BICRA: variants seen among roughly 807,000 people sequenced by gnomAD.
BICRA encodes BRD4-interacting chromatin-remodeling complex-associated protein.
BICRA carries 31 observed loss-of-function variants against 96.9 expected under a neutral mutation model. The ratio of observed to expected loss-of-function variants is 0.32; its 90% confidence interval spans 0.24 to 0.43. The LOEUF (loss-of-function observed/expected upper bound fraction) is 0.43. Among genes scored for constraint, BICRA ranks in the 20% least tolerant of loss-of-function variants. The pLI, the probability that BICRA is intolerant of heterozygous loss-of-function variation, is 1.00. For synonymous variants in BICRA, 1,350 were observed against 1,071.8 expected, an observed-to-expected ratio of 1.26 and a Z score of -5.07; for missense variants, 2,283 against 2,190.3, an observed-to-expected ratio of 1.04 and a Z score of -0.84.
chr19:47,685,784 TGTGCGCGCGCGC>T (rs1318781782), intron 7 of BICRA, among the ~76,000 whole-genome samples: 27 of 115,486 alleles, frequency 2.3e-4, no homozygotes, highest in Non-Finnish European at 5.1e-5. Flanking sequence ...TGTGTGTGTG[TGTGCGCGCGCGC>T]GCGCATGCGT....
intron 1 of BICRA, among the ~76,000 whole-genome samples, chr19:47,633,941 TC>T (rs1235519003): frequency 1.3e-5 from 2 of 152,300 alleles, no homozygotes; most frequent in South Asian, 2.1e-4. Flanking sequence ...GTTCACCCTG[TC>T]CCCCTCCAAA....
intron 7 of BICRA, among the ~76,000 whole-genome samples, chr19:47,685,496 G>A (rs1973130783): frequency 1.3e-5 from 2 of 152,144 alleles, no homozygotes; most frequent in South Asian, 2.1e-4. Flanking sequence ...CTGAATAGAC[G>A]GACGGATGGA....
rs1972927709 is a variant in BICRA, at chr19:47,675,564, G to C, written c.85-287G>C. 6.6e-6 allele frequency among the ~76,000 whole-genome samples: 1 copy of C among 152,180 alleles called. No homozygotes were observed. Among genetic ancestry groups the C allele is most frequent in the Non-Finnish European group, 1.5e-5 (1 of 68,022 alleles). On this transcript the variant is annotated intron_variant, in intron 4 of 14. Coordinates refer to ENST00000594866, the MANE Select transcript of BICRA (RefSeq NM_001394372.1). This position sits in a 1 kb window ranked among gnomAD's most constrained non-coding sequence, Gnocchi z 4.7. ...GGGGGGCAGTGGCAGGGCGCAGCTT[G>C]GGCAGAGGCGTGAAGGCAGGATTCC...
chr19:47,651,846 G>A (rs1247788317), intron 1 of BICRA, among the ~76,000 whole-genome samples: 2 of 152,188 alleles, frequency 1.3e-5, no homozygotes, highest in Admixed American at 1.3e-4. Flanking sequence ...GAGGAATGGT[G>A]GCATCTTTGA....
chr19:47,613,333 G>A (rs1971937402), intron 1 of BICRA, among the ~76,000 whole-genome samples: 1 of 152,184 alleles, frequency 6.6e-6, no homozygotes. Flanking sequence ...CAGGTCTCAA[G>A]AATGCAGAAG....
chr19:47,694,310 G>GC lies in BICRA; in HGVS notation c.2486dup (p.Thr830AsnfsTer41). 1.5e-5 allele frequency: 13 copies of GC among 879,244 alleles called. No homozygotes were observed. Among genetic ancestry groups the GC allele is most frequent in the Admixed American group, 6.2e-5 (2 of 32,236 alleles). The allele number at this position is 879,244 out of a possible 1,614,324, so 54.5% of individuals were successfully genotyped here. A position where few individuals can be genotyped will look rare whatever the true frequency, so the allele number is the denominator to read the frequency against. The stretch of plus-strand genomic sequence containing the variant: ...CTTGCACCCTTGCCCCCCACCCCAG[G>GC]CCCCCCCAACTCTGCCTGGCATCTT... On this transcript the variant is annotated frameshift_variant, in exon 8 of 15. Coordinates refer to ENST00000594866, the MANE Select transcript of BICRA (RefSeq NM_001394372.1). LOFTEE classifies it high-confidence loss of function.
intron 1 of BICRA, among the ~76,000 whole-genome samples, chr19:47,630,343 GT>G (rs924265846): frequency 7.6e-5 from 11 of 144,540 alleles, no homozygotes; most frequent in Admixed American, 2.1e-4. Context: ...TTTGCTTTTT[GT>G]TTTTTTTTTA....
Position 47,661,037 on chromosome 19 carries a change from G to A in BICRA, c.-107-9406G>A, listed in dbSNP as rs527522730. On this transcript the variant is annotated intron_variant, in intron 1 of 14. Coordinates refer to ENST00000594866, the MANE Select transcript of BICRA (RefSeq NM_001394372.1). ...ATCCTGGCTAACACAGTGAAACCCCGTCTCTACTAAAAATACAAAAACAAA... is the reference window on the plus strand; with the variant it reads ...ATCCTGGCTAACACAGTGAAACCCCATCTCTACTAAAAATACAAAAACAAA... Among the ~76,000 whole-genome samples, 84 of 151,980 alleles carry A rather than the reference G, an allele frequency of 5.5e-4. 1 individual carries two copies. The highest frequency in any genetic ancestry group is 1.9e-3 in the African/African-American group (77 of 41,440).
intron 5 of BICRA, among the ~76,000 whole-genome samples, chr19:47,677,863 C>T (rs892873690): frequency 5.9e-5 from 9 of 152,222 alleles, no homozygotes; most frequent in African/African-American, 1.9e-4. Flanking sequence ...TTCTCCAATT[C>T]TGGAAAAGTG....
intron 1 of BICRA, among the ~76,000 whole-genome samples, chr19:47,640,050 C>G (rs1204800633): frequency 6.6e-6 from 1 of 152,226 alleles, no homozygotes; most frequent in Non-Finnish European, 1.5e-5. Context: ...TGGGCCAGTC[C>G]TGCTTTGCCG....
rs376735528 is a variant in BICRA, at chr19:47,702,156, G to T, written c.4424G>T (p.Arg1475Leu). 20 of 1,561,058 alleles carry T rather than the reference G, an allele frequency of 1.3e-5. 1 individual carries two copies. In the East Asian group the frequency reaches 3.9e-4, roughly 30 times the overall value. ...EAPGLPPAKRRKSESPDVDQA... is the reference protein window; with the variant it reads ...EAPGLPPAKRLKSESPDVDQA... ...CCCGGGCTGCCCCCTGCCAAGCGGC[G>T]CAAGTCCGAGTCGCCCGACGTGGAC... Residue 1475 changes from arginine (R) to leucine (L), a missense_variant, in exon 15 of 15, where the codon CGC (arginine) becomes CTC (leucine). Coordinates refer to ENST00000594866, the MANE Select transcript of BICRA (RefSeq NM_001394372.1).
chr19:47,681,002 C>T lies in BICRA; in HGVS notation c.1832C>T (p.Ala611Val). Residue 611 changes from alanine (A) to valine (V), a missense_variant, in exon 6 of 15, where the codon GCC becomes GTC. Transcript: ENST00000594866. ...GLVQPATPAA[A>V]TGEAAPVLTV... ...GTGCAGCCGGCCACCCCTGCCGCTGCCACCGGGGAGGCCGCGCCTGTCCTC... is the reference window on the plus strand; with the variant it reads ...GTGCAGCCGGCCACCCCTGCCGCTGTCACCGGGGAGGCCGCGCCTGTCCTC... 2 of 1,459,352 alleles carry T rather than the reference C, an allele frequency of 1.4e-6. No homozygotes were observed. The highest frequency in any genetic ancestry group is 1.3e-5 in the South Asian group (1 of 75,384). The allele number at this position is 1,459,352 out of a possible 1,614,324, so 90.4% of individuals were successfully genotyped here. A position where few individuals can be genotyped will look rare whatever the true frequency, so the allele number is the denominator to read the frequency against.
intron 7 of BICRA, among the ~76,000 whole-genome samples, chr19:47,693,399 C>A (rs1973270531): frequency 6.6e-6 from 1 of 152,210 alleles, no homozygotes; most frequent in African/African-American, 2.4e-5. Flanking sequence ...TCACGTGGCG[C>A]CCAGGTAGGC....
At position 47,694,470 on chromosome 19, in the gene BICRA, CT is replaced by C; in HGVS notation, c.2640del (p.Pro881HisfsTer66). 9.0e-6 allele frequency: 12 copies of C among 1,337,844 alleles called. No individual in the cohort carries two copies. The highest frequency in any genetic ancestry group is 1.5e-5 in the African/African-American group (1 of 68,390). The allele number at this position is 1,337,844 out of a possible 1,614,324, so 82.9% of individuals were successfully genotyped here. A position where few individuals can be genotyped will look rare whatever the true frequency, so the allele number is the denominator to read the frequency against. On this transcript the variant is annotated frameshift_variant, in exon 8 of 15. Transcript: ENST00000594866. LOFTEE classifies it high-confidence loss of function. Reference sequence around the variant, plus strand: ...CCGCTGCCCCCAGCCCCCCACCTCCCTCCATCCTCCACCTCCTCTGCTGTGG... The same window carrying C: ...CCGCTGCCCCCAGCCCCCCACCTCCCCCATCCTCCACCTCCTCTGCTGTGG... ...EGPLPPAPHLPPSSTSSAVAS... is the reference protein window; with the variant it reads ...EGPLPPAPHLXPSSTSSAVAS...
intron 1 of BICRA, among the ~76,000 whole-genome samples, chr19:47,667,181 G>C (rs981490764): frequency 6.6e-6 from 1 of 152,116 alleles, no homozygotes; most frequent in African/African-American, 2.4e-5. Flanking sequence ...CCCACGCCGG[G>C]CTCATTTTTT....
Position 47,616,638 on chromosome 19 carries a change from C to T in BICRA, c.-108+7470C>T, listed in dbSNP as rs886094440. 2.4e-5 allele frequency among the ~76,000 whole-genome samples: 3 copies of T among 124,714 alleles called. No individual in the cohort carries two copies. In the East Asian group the frequency reaches 6.9e-4, roughly 29 times the overall value. 81.8% of individuals were successfully genotyped at this position (124,714 alleles called of 152,430 possible). On this transcript the variant is annotated intron_variant, in intron 1 of 14. Coordinates refer to ENST00000594866, the MANE Select transcript of BICRA (RefSeq NM_001394372.1). ...AGGGCGACAGAGCAAGACTCTGTCT[C>T]AAAAAAAAAAAAAGGAAGACAATGC... is the stretch of plus-strand genomic sequence containing the variant.
In BICRA at chr19:47,694,683, C is replaced by A; in HGVS notation, c.2852C>A (p.Pro951Gln). The stretch of plus-strand genomic sequence containing the variant: ...TTCCAGATGGTGACCACCCCCTTCC[C>A]AGCGCTGCCCCAGCCGAAGGCTCTT... ...RTFQMVTTPFPALPQPKALLE... is the reference protein window; with the variant it reads ...RTFQMVTTPFQALPQPKALLE... Residue 951 changes from proline to glutamine, a missense_variant, in exon 8 of 15, where the codon CCA becomes CAA. By Grantham distance (76) the Pro-to-Gln change is moderately conservative. Coordinates refer to ENST00000594866, the MANE Select transcript of BICRA (RefSeq NM_001394372.1). 2 of 1,590,702 alleles carry A rather than the reference C, an allele frequency of 1.3e-6. No individual in the cohort carries two copies. The highest frequency in any genetic ancestry group is 1.7e-6 in the Non-Finnish European group (2 of 1,163,636).
intron 1 of BICRA, among the ~76,000 whole-genome samples, chr19:47,636,929 G>A (rs1380598007): frequency 2.6e-5 from 4 of 152,086 alleles, no homozygotes; most frequent in African/African-American, 7.2e-5. Flanking sequence ...AGGCAGGCAT[G>A]AGTCTTACCC....
chr19:47,695,211 A>T, intron 9 of BICRA, 131 bp downstream of exon 9: 1 of 777,488 alleles, frequency 1.3e-6, no homozygotes, highest in Non-Finnish European at 2.1e-6. Context: ...CTCAAGGGAC[A>T]CAGGAAGGCC....
Sources: gnomAD v4.1 joint callset for allele counts (sites outside exome capture counted in the v4.1 genomes callset) on GRCh38, gnomAD v4.1.1 for gene constraint, Gnocchi (gnomAD v3.1) non-coding constraint, MANE v1.5 for transcripts, NCBI Gene and HGNC (gene_info 2026-07-23, HGNC 2026-07-21) for gene names.